The following ACADM variants were observed in gnomAD, a reference collection of about 807,000 sequenced individuals.
ACADM encodes acyl-CoA dehydrogenase medium chain, also known as medium-chain specific acyl-CoA dehydrogenase, mitochondrial.
Under a neutral mutation model 58.9 loss-of-function variants are expected in ACADM, and 49 were observed. The ratio of observed to expected loss-of-function variants is 0.83; its 90% CI spans 0.66 to 1.06. ACADM has a LOEUF of 1.06. Among genes scored for constraint, ACADM ranks in the 50% least tolerant of loss-of-function variants. The pLI is 0.00. For synonymous variants in ACADM, 160 were observed against 157.7 expected, an observed-to-expected ratio of 1.01 and a Z score of -0.11; for missense variants, 496 against 507.0, an observed-to-expected ratio of 0.98 and a Z score of 0.21.
chr1:75,726,900 G>A (rs1414282016), intron 1 of ACADM, among the ~76,000 whole-genome samples: 1 of 151,404 alleles, frequency 6.6e-6, no homozygotes, highest in African/African-American at 2.4e-5. Flanking sequence ...CGCCTTCCGG[G>A]TTCAAGCGAT....
In ACADM at chr1:75,757,583, T is replaced by C. The variant is rs535403638; in HGVS notation, c.946-3539T>C. 2.6e-5 allele frequency among the ~76,000 whole-genome samples: 4 copies of C among 152,104 alleles called. No individual in the cohort carries two copies. The South Asian group carries it at 6.2e-4, about 24-fold the overall frequency. ...AGGTGCTGGAGAGGATGTGGAGAAA[T>C]AGGAATACTTTTACACTGTTGGTGG... On this transcript the variant is annotated intron_variant, in intron 10 of 11. Transcript: ENST00000370841.
chr1:75,725,896 T>C (rs943462848), intron 1 of ACADM, among the ~76,000 whole-genome samples: 1 of 152,208 alleles, frequency 6.6e-6, no homozygotes, highest in African/African-American at 2.4e-5. Flanking sequence ...ACAAATATGG[T>C]TGTGGAACCT....
intron 10 of ACADM, among the ~76,000 whole-genome samples, chr1:75,756,619 G>A (rs1444288947): frequency 6.6e-6 from 1 of 152,152 alleles, no homozygotes; most frequent in Non-Finnish European, 1.5e-5. Context: ...TCAATATCGT[G>A]AAAATGGCCA....
intron 10 of ACADM, among the ~76,000 whole-genome samples, chr1:75,758,579 T>C (rs936584927): frequency 3.3e-5 from 5 of 152,168 alleles, no homozygotes; most frequent in African/African-American, 1.2e-4. Flanking sequence ...GCTAGATGAT[T>C]GTAAACACAC....
chr1:75,726,822 T>G (rs2100341736), intron 1 of ACADM, among the ~76,000 whole-genome samples: 1 of 142,692 alleles, frequency 7.0e-6, no homozygotes, highest in South Asian at 2.1e-4. Context: ...TTTTTTTTTT[T>G]GAGACGGAGT....
chr1:75,732,430 A>C (rs1647163038), intron 2 of ACADM: 2 of 562,102 alleles, frequency 3.6e-6, no homozygotes, highest in Non-Finnish European at 3.2e-6. Context: ...GTAAAAGTTA[A>C]AAATCTTACC....
chr1:75,750,848 G>T (rs993330961), intron 10 of ACADM: 2 of 409,548 alleles, frequency 4.9e-6, no homozygotes, highest in Non-Finnish European at 9.1e-6. Flanking sequence ...TCCCGAGTTC[G>T]AGTAATTCTC....
intron 10 of ACADM, 113 bp downstream of exon 10, chr1:75,750,659 G>T: frequency 3.8e-6 from 3 of 783,250 alleles, no homozygotes; most frequent in African/African-American, 1.7e-5. Context: ...ATAGCAAGAA[G>T]ATAATGTGGT....
At chr1:75,735,593 C>G (rs1269395020) in intron 6 of ACADM, among the ~76,000 whole-genome samples, 1 of 152,130 alleles carries the variant, frequency 6.6e-6, no homozygotes, top group Non-Finnish European at 1.5e-5. Context: ...TGGCTCACGC[C>G]TGTAATCCCA....
chr1:75,740,187 T>C, intron 7 of ACADM, 77 bp downstream of exon 7: 1 of 1,398,994 alleles, frequency 7.1e-7, no homozygotes, highest in East Asian at 2.5e-5. Flanking sequence ...TCTGTATATT[T>C]TTAAACCACT....
intron 1 of ACADM, 118 bp downstream of exon 1, chr1:75,724,935 G>A: frequency 3.5e-6 from 4 of 1,133,672 alleles, no homozygotes; most frequent in Non-Finnish European, 4.7e-6. Context: ...GGCTGAGGAA[G>A]GAGCCAGCCT....
chr1:75,758,624 CTCTCTG>C (rs1648642303), intron 10 of ACADM, among the ~76,000 whole-genome samples: 1 of 140,146 alleles, frequency 7.1e-6, no homozygotes, highest in South Asian at 2.8e-4. Flanking sequence ...CTAATCAGCA[CTCTCTG>C]TCTAGCTAAA....
In ACADM at chr1:75,724,819, T is replaced by C. The variant is rs768596219; in HGVS notation, c.30+2T>C. 1 of 1,494,406 alleles carries C rather than the reference T, an allele frequency of 6.7e-7. No individual in the cohort carries two copies. The highest frequency in any genetic ancestry group is 1.3e-5 in the South Asian group (1 of 75,242). The allele number at this position is 1,494,406 out of a possible 1,614,324, so 92.6% of individuals were successfully genotyped here. ...GCGGGGTTCGGGCGATGCTGCAGGG[T>C]GAGAGGGAGCCCAGCGGTGCGGTGG... is the stretch of plus-strand genomic sequence containing the variant. On this transcript the variant is annotated splice_donor_variant, in intron 1 of 11. Coordinates refer to ENST00000370841, the MANE Select transcript of ACADM (RefSeq NM_000016.6). LOFTEE classifies it high-confidence loss of function.
chr1:75,746,234 A>C (rs1013873126), intron 8 of ACADM, among the ~76,000 whole-genome samples: 2 of 152,138 alleles, frequency 1.3e-5, no homozygotes, highest in Admixed American at 6.6e-5. Context: ...GGACTTTCCC[A>C]CTCTTTTCCC....
chr1:75,756,260 A>G (rs756962179), intron 10 of ACADM, among the ~76,000 whole-genome samples: 1 of 152,230 alleles, frequency 6.6e-6, no homozygotes, highest in Admixed American at 6.5e-5. Flanking sequence ...AGTTAGGAAA[A>G]GAGGAAGTCA....
At chr1:75,741,174 CTG>C (rs1231424567) in intron 7 of ACADM, among the ~76,000 whole-genome samples, 2 of 152,138 alleles carry the variant, frequency 1.3e-5, no homozygotes, top group African/African-American at 4.8e-5. Context: ...ACTAAATGAC[CTG>C]TCTCTCTTTG....
Position 75,727,310 on chromosome 1 carries a change from C to A in ACADM, c.31-1091C>A, listed in dbSNP as rs374302707. Among the ~76,000 whole-genome samples, 17 of 152,246 alleles carry A rather than the reference C, an allele frequency of 1.1e-4. No individual in the cohort carries two copies. The East Asian group carries it at 3.3e-3, about 29-fold the overall frequency. Reference sequence around the variant, plus strand: ...AAATTGTCATCTACAAAGACAGTTTCTTTTTACGGATTTTGAAAAACATAA... The same window carrying A: ...AAATTGTCATCTACAAAGACAGTTTATTTTTACGGATTTTGAAAAACATAA... On this transcript the variant is annotated intron_variant, in intron 1 of 11. Coordinates refer to ENST00000370841, the MANE Select transcript of ACADM (RefSeq NM_000016.6).
intron 8 of ACADM, among the ~76,000 whole-genome samples, chr1:75,747,178 G>A (rs573568946): frequency 5.7e-4 from 86 of 151,766 alleles, no homozygotes; most frequent in Middle Eastern, 3.4e-3. Context: ...CCCATCTTTA[G>A]AAAGTATAAA....
chr1:75,744,800 A>G, intron 7 of ACADM: 2 of 542,392 alleles, frequency 3.7e-6, no homozygotes, highest in South Asian at 1.9e-5. Flanking sequence ...TCCGTTTTAT[A>G]TTATTCCTTT....
Sources: gnomAD v4.1 joint callset for allele counts (sites outside exome capture counted in the v4.1 genomes callset) on GRCh38, gnomAD v4.1.1 for gene constraint, MANE v1.5 for transcripts, NCBI Gene and HGNC (gene_info 2026-07-23, HGNC 2026-07-21) for gene names.